The following WDR70 variants were observed in gnomAD, a reference collection of about 807,000 sequenced individuals.
The protein encoded by WDR70 is WD repeat-containing protein 70.
WDR70 carries 53 observed loss-of-function variants against 88.6 expected under a neutral mutation model. The observed-to-expected ratio is 0.60, with a 90% CI of 0.48 to 0.75. WDR70 has a LOEUF of 0.75. Ranked by LOEUF, WDR70 falls within the 30% of genes least tolerant of loss-of-function variation. The pLI is 0.00. For missense variants in WDR70, 610 were observed against 823.2 expected, an observed-to-expected ratio of 0.74 and a Z score of 3.17; for synonymous variants, 280 against 270.0, an observed-to-expected ratio of 1.04 and a Z score of -0.36.
rs147289389 is a variant in WDR70, at chr5:37,634,116, G to A, written c.1092+28878G>A. Among the ~76,000 whole-genome samples the A allele has an allele frequency of 1.3e-4, 19 of 151,882 alleles. No homozygotes were observed. In the East Asian group the frequency reaches 3.3e-3, roughly 26 times the overall value. ...AGATGGAGACCATCCTGGCTAACACGGTGAAACCCCATCTCTACTAAAAAT... is the reference window on the plus strand; with the variant it reads ...AGATGGAGACCATCCTGGCTAACACAGTGAAACCCCATCTCTACTAAAAAT... On this transcript the variant is annotated intron_variant, in intron 10 of 17. Coordinates refer to ENST00000265107, the MANE Select transcript of WDR70 (RefSeq NM_018034.4).
chr5:37,697,726 T>G lies in WDR70; in HGVS notation c.1164T>G (p.Tyr388Ter). ...GTDTSCVTFSYDGNVLASRGG... is the reference protein window; with the variant it reads ...GTDTSCVTFS ...ACACTTCTTGCGTGACTTTTTCCTA[T>G]GATGGTAATGTCCTTGCCTCTCGTG... is the stretch of plus-strand genomic sequence containing the variant. Residue 388 changes from tyrosine (Y) to a stop codon, truncating the protein, a stop_gained, in exon 11 of 18, where the codon TAT becomes TAG. Transcript: ENST00000265107. LOFTEE classifies it high-confidence loss of function. The G allele has an allele frequency of 6.2e-7, 1 of 1,613,770 alleles. No individual in the cohort carries two copies.
chr5:37,681,718 C>T (rs1018145034), intron 10 of WDR70, among the ~76,000 whole-genome samples: 6 of 152,024 alleles, frequency 3.9e-5, no homozygotes, highest in African/African-American at 1.4e-4. Flanking sequence ...CTGTTTATGT[C>T]ATGAATAACA....
At chr5:37,698,020 C>G (rs576720866) in intron 11 of WDR70, 1 of 305,002 alleles carries the variant, frequency 3.3e-6, no homozygotes, top group East Asian at 6.7e-5. Flanking sequence ...TTTGAAGCCT[C>G]CACAAATGAT....
intron 8 of WDR70, among the ~76,000 whole-genome samples, chr5:37,508,819 C>A (rs1740636315): frequency 6.6e-6 from 1 of 152,198 alleles, no homozygotes; most frequent in Non-Finnish European, 1.5e-5. Context: ...AGTGTACTAT[C>A]CAATTCTGTT....
At position 37,691,715 on chromosome 5, in the gene WDR70, G is replaced by A. The variant is rs542150138; in HGVS notation, c.1093-5940G>A. 9.8e-5 allele frequency among the ~76,000 whole-genome samples: 15 copies of A among 152,308 alleles called. No homozygotes were observed. The South Asian group carries it at 2.9e-3, about 29-fold the overall frequency. On this transcript the variant is annotated intron_variant, in intron 10 of 17. Coordinates refer to ENST00000265107, the MANE Select transcript of WDR70 (RefSeq NM_018034.4). ...CTCTGGGTCACATTTAAAGCAGTGT[G>A]TAAAGGGAAATTTATAGCACTAAAT...
intron 9 of WDR70, among the ~76,000 whole-genome samples, chr5:37,554,415 T>C (rs189631856): frequency 1.3e-5 from 2 of 152,234 alleles, no homozygotes; most frequent in African/African-American, 4.8e-5. Context: ...AGATGTTGCT[T>C]GGATGATCAG....
At chr5:37,684,390 G>A (rs1746520971) in intron 10 of WDR70, among the ~76,000 whole-genome samples, 1 of 152,212 alleles carries the variant, frequency 6.6e-6, no homozygotes, top group Non-Finnish European at 1.5e-5. Flanking sequence ...TGAGTTGTCA[G>A]AGTTCTTGCA....
intron 9 of WDR70, among the ~76,000 whole-genome samples, chr5:37,529,785 T>A (rs1741424095): frequency 6.6e-6 from 1 of 152,176 alleles, no homozygotes; most frequent in African/African-American, 2.4e-5. Context: ...GTCATTTGAC[T>A]TCCTCTTTAT....
At chr5:37,525,045 C>G (rs1741218714) in intron 9 of WDR70, among the ~76,000 whole-genome samples, 2 of 152,038 alleles carry the variant, frequency 1.3e-5, no homozygotes, top group African/African-American at 2.4e-5. Flanking sequence ...CTTTAACACC[C>G]CACTGTCAAT....
chr5:37,570,481 CAG>C (rs1742870532), intron 9 of WDR70, among the ~76,000 whole-genome samples: 1 of 151,920 alleles, frequency 6.6e-6, no homozygotes, highest in African/African-American at 2.4e-5. Context: ...TAATTGAAAT[CAG>C]GGGAAGGGGA....
At position 37,438,194 on chromosome 5, in the gene WDR70, G is replaced by T. The variant is rs1017460045; in HGVS notation, c.552+213G>T. On this transcript the variant is annotated intron_variant, in intron 6 of 17. Coordinates refer to ENST00000265107, the MANE Select transcript of WDR70 (RefSeq NM_018034.4). ...AGGAACAATTATTGTCACTGTTATT[G>T]TTGGCTTTAAAAATCTCTTATTTTT... Among the ~76,000 whole-genome samples, 8 of 152,066 alleles carry T rather than the reference G, an allele frequency of 5.3e-5. 1 individual carries two copies. Among genetic ancestry groups the T allele is most frequent in the African/African-American group, 1.9e-4 (8 of 41,426 alleles).
rs1741275401 is a variant in WDR70 at position 37,526,431 on chromosome 5, AG to A, written c.917+9842del. ...GAAAAGGCCTTTGACAAAATTCAAT[AG>A]CCCTTCATGCTAAAAACTCTCAATA... is the stretch of plus-strand genomic sequence containing the variant. On this transcript the variant is annotated intron_variant, in intron 9 of 17. Transcript: ENST00000265107. 2.0e-5 allele frequency among the ~76,000 whole-genome samples: 3 copies of A among 152,256 alleles called. 1 individual carries two copies. In the South Asian group the frequency reaches 6.2e-4, roughly 31 times the overall value.
intron 7 of WDR70, among the ~76,000 whole-genome samples, chr5:37,447,220 A>G (rs980970582): frequency 1.4e-4 from 21 of 152,246 alleles, no homozygotes; most frequent in African/African-American, 4.8e-4. Context: ...GAGAAATGCA[A>G]ATCAAAACCA....
At chr5:37,626,529 A>G (rs1194924134) in intron 10 of WDR70, among the ~76,000 whole-genome samples, 3 of 152,000 alleles carry the variant, frequency 2.0e-5, no homozygotes, top group Non-Finnish European at 4.4e-5. Context: ...TTTGGTGAAG[A>G]TTTTTGCAAC....
chr5:37,385,392 C>T (rs1424392261), intron 3 of WDR70, among the ~76,000 whole-genome samples: 1 of 151,768 alleles, frequency 6.6e-6, no homozygotes, highest in Non-Finnish European at 1.5e-5. Flanking sequence ...TGGTGGTGCA[C>T]ACCTGTAGTC....
At chr5:37,391,636 A>G (rs1215425230) in intron 3 of WDR70, among the ~76,000 whole-genome samples, 1 of 152,248 alleles carries the variant, frequency 6.6e-6, no homozygotes, top group Admixed American at 6.5e-5. Flanking sequence ...TTATGTGGAT[A>G]TACCACATTT....
At chr5:37,665,002 G>A (rs544041081) in intron 10 of WDR70, among the ~76,000 whole-genome samples, 2 of 152,280 alleles carry the variant, frequency 1.3e-5, no homozygotes, top group East Asian at 1.9e-4. Flanking sequence ...TGGTCTGTAC[G>A]AATATGTAGG....
intron 10 of WDR70, among the ~76,000 whole-genome samples, chr5:37,622,671 C>T (rs958290848): frequency 2.0e-5 from 3 of 151,710 alleles, no homozygotes; most frequent in East Asian, 1.9e-4. Context: ...TGTTCTCACT[C>T]ATAGGTGGGA....
intron 9 of WDR70, among the ~76,000 whole-genome samples, chr5:37,589,128 A>G (rs1194324418): frequency 6.6e-6 from 1 of 152,062 alleles, no homozygotes; most frequent in African/African-American, 2.4e-5. Context: ...CCTGGCCTCA[A>G]GTGATGCTCC....
Sources: gnomAD v4.1 joint callset for allele counts (sites outside exome capture counted in the v4.1 genomes callset) on GRCh38, gnomAD v4.1.1 for gene constraint, MANE v1.5 for transcripts, NCBI Gene and HGNC (gene_info 2026-07-23, HGNC 2026-07-21) for gene names.